The following SPINK5 variants were observed in gnomAD, a reference collection of about 807,000 sequenced individuals.
SPINK5 encodes the protein serine protease inhibitor Kazal-type 5.
Under a neutral mutation model 151.8 loss-of-function variants are expected in SPINK5, and 125 were observed. The observed-to-expected ratio is 0.82, with a 90% CI of 0.71 to 0.96. The LOEUF is 0.96. Among genes scored for constraint, SPINK5 ranks in the 40% least tolerant of loss-of-function variants. SPINK5 has a pLI of 0.00. For synonymous variants in SPINK5, 374 were observed against 395.3 expected (o/e 0.95, Z 0.64); for missense variants, 1,194 against 1,291.9 (o/e 0.92, Z 1.16).
chr5:148,078,560 T>C (rs944878521), intron 4 of SPINK5, among the ~76,000 whole-genome samples: 2 of 150,862 alleles, frequency 1.3e-5, no homozygotes, highest in African/African-American at 4.8e-5. Context: ...TAAATTTTAA[T>C]ATATTAAAAT....
intron 30 of SPINK5, 114 bp from the exon 31 acceptor site, chr5:148,131,145 C>T (rs1035096988): frequency 7.4e-7 from 1 of 1,347,890 alleles, no homozygotes; most frequent in Non-Finnish European, 1.1e-6. Context: ...ATATATCACA[C>T]TCCTTTTACA....
At chr5:148,083,043 G>T (rs893800608) in intron 4 of SPINK5, among the ~76,000 whole-genome samples, 1 of 150,280 alleles carries the variant, frequency 6.7e-6, no homozygotes, top group Non-Finnish European at 1.5e-5. Flanking sequence ...TCTAACTCCA[G>T]TTATTGATTT....
intron 9 of SPINK5, among the ~76,000 whole-genome samples, chr5:148,095,513 A>G (rs561482622): frequency 2.0e-5 from 3 of 152,158 alleles, no homozygotes; most frequent in Admixed American, 6.5e-5. Flanking sequence ...TTCGATACAA[A>G]AACACAGCAA....
chr5:148,123,369 A>T (rs537056316), intron 26 of SPINK5, among the ~76,000 whole-genome samples: 15 of 115,636 alleles, frequency 1.3e-4, no homozygotes, highest in Admixed American at 3.0e-4. Context: ...AGATTATATT[A>T]TATACATAAC....
At chr5:148,135,434 A>T (rs1367794235) in intron 32 of SPINK5, among the ~76,000 whole-genome samples, 9 of 152,190 alleles carry the variant, frequency 5.9e-5, no homozygotes, top group Admixed American at 3.9e-4. Flanking sequence ...GATAAGATGT[A>T]TTTCTTTAAA....
chr5:148,128,070 A>G (rs1754479293), intron 30 of SPINK5, among the ~76,000 whole-genome samples: 1 of 152,222 alleles, frequency 6.6e-6, no homozygotes, highest in Non-Finnish European at 1.5e-5. Flanking sequence ...AAAGAAAGGT[A>G]TCAAACATGA....
Position 148,094,405 on chromosome 5 carries a change from A to G in SPINK5, c.718A>G (p.Thr240Ala). 1.2e-6 allele frequency: 2 copies of G among 1,612,864 alleles called. No individual in the cohort carries two copies. The highest frequency in any genetic ancestry group is 2.2e-5 in the East Asian group (1 of 44,824). The change falls in exon 9 of 33, where the codon ACA (threonine) becomes GCA (alanine). Residue 240 changes from threonine to alanine, a missense_variant. Physicochemically the swap from Thr to Ala is moderately conservative, Grantham distance 58. Transcript: ENST00000256084. The stretch of plus-strand genomic sequence containing the variant: ...AGTGAGAAATGGAAGGCTTTTTTGT[A>G]CACGGGAGAGTGATCCAGTCCGTGG... The part of the protein sequence containing the change: ...KQVRNGRLFC[T>A]RESDPVRGPD...
At chr5:148,065,075 T>A (rs1303556995) in intron 1 of SPINK5, among the ~76,000 whole-genome samples, 1 of 152,132 alleles carries the variant, frequency 6.6e-6, no homozygotes, top group African/African-American at 2.4e-5. Context: ...AGATAAGCTA[T>A]TTTGATGGGG....
Position 148,106,796 on chromosome 5 carries a change from C to T in SPINK5, c.1480-241C>T, listed in dbSNP as rs1422987. Among the ~76,000 whole-genome samples, 44,057 of 151,956 alleles carry T rather than the reference C, an allele frequency of 0.29. 10,255 individuals are homozygous for T. The highest frequency in any genetic ancestry group is 0.64 in the African/African-American group (26,284 of 41,366). On this transcript the variant is annotated intron_variant, in intron 16 of 32. Transcript: ENST00000256084. Reference sequence around the variant, plus strand: ...CACCTCTGATCTTTCCTAGCTTTTACAGACCATGCTATGCAACACAACACA... The same window carrying T: ...CACCTCTGATCTTTCCTAGCTTTTATAGACCATGCTATGCAACACAACACA...
chr5:148,132,613 A>G (rs1754601383), intron 31 of SPINK5, among the ~76,000 whole-genome samples: 1 of 152,184 alleles, frequency 6.6e-6, no homozygotes, highest in Non-Finnish European at 1.5e-5. Context: ...TTAAAGTTAC[A>G]AAGCTAGGGA....
At chr5:148,101,466 G>T (rs377253729) in intron 14 of SPINK5, 30 bp downstream of exon 14, 527 of 1,514,242 alleles carry the variant, frequency 3.5e-4, no homozygotes, top group Non-Finnish European at 4.5e-4. Context: ...CAACTCAGAG[G>T]GATATGGCCC....
rs1236187321 is a variant in SPINK5 at position 148,134,740 on chromosome 5, G to A, written c.3186+853G>A. Among the ~76,000 whole-genome samples the A allele has an allele frequency of 2.0e-5, 3 of 151,794 alleles. No homozygotes were observed. In the East Asian group the frequency reaches 5.8e-4, roughly 29 times the overall value. On this transcript the variant is annotated intron_variant, in intron 32 of 32. Coordinates refer to ENST00000256084, the MANE Select transcript of SPINK5 (RefSeq NM_006846.4). Reference sequence around the variant, plus strand: ...GCTTATTTATTTTTAATAAATTATTGTCAATTGTAGTTTGATAAAATTATG... The same window carrying A: ...GCTTATTTATTTTTAATAAATTATTATCAATTGTAGTTTGATAAAATTATG...
intron 20 of SPINK5, among the ~76,000 whole-genome samples, chr5:148,114,054 TTC>T (rs931481737): frequency 6.6e-5 from 10 of 152,212 alleles, no homozygotes; most frequent in African/African-American, 2.4e-4. Context: ...TGATTGCTTA[TTC>T]TGTCTCAATT....
chr5:148,115,268 A>G (rs3777140), intron 21 of SPINK5, among the ~76,000 whole-genome samples: 114,714 of 152,092 alleles, frequency 0.75, 44,473 homozygotes, highest in African/African-American at 0.93. Context: ...TAGGAAAAAA[A>G]CAAGTCATTT....
chr5:148,088,425 T>C (rs1753216087), intron 5 of SPINK5, 117 bp from the exon 6 acceptor site: 2 of 827,868 alleles, frequency 2.4e-6, no homozygotes, highest in Admixed American at 2.0e-5. Context: ...AATAATACTA[T>C]GTGGCAGCTG....
At chr5:148,118,942 C>G (rs747123241) in intron 23 of SPINK5, 44 bp from the exon 24 acceptor site, 1 of 1,585,640 alleles carries the variant, frequency 6.3e-7, no homozygotes, top group Admixed American at 1.7e-5. Context: ...AATCCAGGGT[C>G]AATATTTGTT....
intron 24 of SPINK5, among the ~76,000 whole-genome samples, chr5:148,119,552 G>T (rs561755161): frequency 4.6e-4 from 70 of 152,310 alleles, no homozygotes; most frequent in Admixed American, 3.5e-3. Flanking sequence ...GGCTCTAGGT[G>T]AGGATCTGTT....
intron 18 of SPINK5, among the ~76,000 whole-genome samples, chr5:148,109,832 C>T (rs1753875312): frequency 6.6e-6 from 1 of 152,140 alleles, no homozygotes; most frequent in Non-Finnish European, 1.5e-5. Context: ...GGCTTCTCAC[C>T]TCACTCAAAG....
intron 30 of SPINK5, among the ~76,000 whole-genome samples, chr5:148,128,774 C>T (rs1472262555): frequency 3.2e-4 from 49 of 152,136 alleles, no homozygotes; most frequent in African/African-American, 1.1e-3. Flanking sequence ...CCGCCCGCCT[C>T]GGCCTCCCAA....
Sources: gnomAD v4.1 joint callset for allele counts (sites outside exome capture counted in the v4.1 genomes callset) on GRCh38, gnomAD v4.1.1 for gene constraint, MANE v1.5 for transcripts, NCBI Gene and HGNC (gene_info 2026-07-23, HGNC 2026-07-21) for gene names.